The following SLC51A variants were observed in gnomAD, a reference collection of about 807,000 sequenced individuals.
The protein encoded by SLC51A is organic solute transporter subunit alpha.
SLC51A carries 22 observed loss-of-function variants against 34.8 expected under a neutral mutation model. The ratio of observed to expected loss-of-function variants is 0.63; its 90% confidence interval spans 0.45 to 0.90. The LOEUF (loss-of-function observed/expected upper bound fraction) is 0.90, where lower values mean the gene tolerates loss of function less well. Ranked by LOEUF, SLC51A falls within the 40% of genes least tolerant of loss-of-function variation. SLC51A has a pLI of 0.00. For synonymous variants in SLC51A, 181 were observed against 176.3 expected, an observed-to-expected ratio of 1.03 and a Z score of -0.21; for missense variants, 371 against 414.8, an observed-to-expected ratio of 0.89 and a Z score of 0.92.
At chr3:196,224,426 G>A (rs1368191735) in intron 2 of SLC51A, among the ~76,000 whole-genome samples, 5 of 150,558 alleles carry the variant, frequency 3.3e-5, no homozygotes, top group African/African-American at 1.2e-4. Context: ...TGGACCCGGT[G>A]GCTCACGCCT....
chr3:196,221,252 A>G (rs1401376195), intron 2 of SLC51A, among the ~76,000 whole-genome samples: 1 of 151,964 alleles, frequency 6.6e-6, no homozygotes, highest in Admixed American at 6.6e-5. Flanking sequence ...ACCCTGTCTC[A>G]ATTTAAAAAA....
chr3:196,216,727 G>T lies in SLC51A; in HGVS notation c.15G>T (p.Arg5Ser). 1 of 1,577,178 alleles carries T rather than the reference G, an allele frequency of 6.3e-7. No homozygotes were observed. Among genetic ancestry groups the T allele is most frequent in the African/African-American group, 1.3e-5 (1 of 74,154 alleles). ...AGAACGCGGCGATGGAGCCGGGCAG[G>T]ACCCAGATAAAGCTTGACCCCAGGT... MEPG[R>S]TQIKLDPRYT... The change falls in exon 1 of 9, where the codon AGG (arginine) becomes AGT (serine). Residue 5 changes from arginine to serine, a missense_variant. Coordinates refer to ENST00000296327, the MANE Select transcript of SLC51A (RefSeq NM_152672.6). This position sits in a 1 kb window ranked among gnomAD's most constrained non-coding sequence, Gnocchi z 4.5.
In SLC51A at chr3:196,228,978, A is replaced by C; in HGVS notation, c.633+58A>C. ...GACTCATTTAGTACCTTTGTGTTCT[A>C]AAAGGAATCACCAGAGCCAACACCC... On this transcript the variant is annotated intron_variant, in intron 6 of 8. Coordinates refer to ENST00000296327, the MANE Select transcript of SLC51A (RefSeq NM_152672.6). The surrounding 1 kb of genome is among the most constrained non-coding windows in gnomAD (Gnocchi z 4.9). The C allele has an allele frequency of 7.2e-7, 1 of 1,395,046 alleles. No homozygotes were observed. 86.4% of individuals were successfully genotyped at this position (1,395,046 alleles called of 1,614,324 possible). A position where few individuals can be genotyped will look rare whatever the true frequency, so the allele number is the denominator to read the frequency against.
chr3:196,224,155 A>C (rs73083248), intron 2 of SLC51A, among the ~76,000 whole-genome samples: 1 of 151,232 alleles, frequency 6.6e-6, no homozygotes, highest in Non-Finnish European at 1.5e-5. Context: ...CACTGTGCCT[A>C]GCCCTTTCTC....
chr3:196,228,656 A>T lies in SLC51A; in HGVS notation c.522-153A>T, dbSNP rs1250852480. On this transcript the variant is annotated intron_variant, in intron 5 of 8. Coordinates refer to ENST00000296327, the MANE Select transcript of SLC51A (RefSeq NM_152672.6). The surrounding 1 kb of genome is among the most constrained non-coding windows in gnomAD (Gnocchi z 4.9). ...CAAGAGGGTTCCCAGCACTCTCAAC[A>T]TTCTGCTTTTTTCCTCTGTCCCCAT... 5 of 663,324 alleles carry T rather than the reference A, an allele frequency of 7.5e-6. No homozygotes were observed. The highest frequency in any genetic ancestry group is 5.4e-5 in the African/African-American group (3 of 55,426). The allele number at this position is 663,324 out of a possible 1,614,324, so 41.1% of individuals were successfully genotyped here. A position where few individuals can be genotyped will look rare whatever the true frequency, so the allele number is the denominator to read the frequency against.
intron 2 of SLC51A, among the ~76,000 whole-genome samples, chr3:196,226,059 G>A (rs962598505): frequency 1.2e-4 from 18 of 152,192 alleles, no homozygotes; most frequent in Non-Finnish European, 2.2e-4. Flanking sequence ...GCTCACGTCT[G>A]TAATCCCAGC....
At chr3:196,227,230 C>A in intron 3 of SLC51A, 111 bp downstream of exon 3, 1 of 1,192,412 alleles carries the variant, frequency 8.4e-7, no homozygotes, top group Non-Finnish European at 1.2e-6. Flanking sequence ...CCTGCCACGA[C>A]CCGCGGAGGG....
intron 2 of SLC51A, among the ~76,000 whole-genome samples, chr3:196,221,755 C>A (rs538658875): frequency 2.8e-4 from 42 of 151,204 alleles, no homozygotes; most frequent in Non-Finnish European, 4.7e-4. Context: ...TCGCTCTGTC[C>A]CCCAGGCTGG....
At chr3:196,222,932 CTAAT>C in intron 2 of SLC51A, among the ~76,000 whole-genome samples, 1 of 151,778 alleles carries the variant, frequency 6.6e-6, no homozygotes, top group East Asian at 1.9e-4. Context: ...TTTTCCTTTC[CTAAT>C]TAGAGTACCA....
In SLC51A at chr3:196,216,617, G is replaced by A. The variant is rs1407315032; in HGVS notation, c.-96G>A. The A allele has an allele frequency of 1.6e-6, 2 of 1,273,418 alleles. No homozygotes were observed. The highest frequency in any genetic ancestry group is 2.5e-5 in the South Asian group (2 of 78,582). 78.9% of individuals were successfully genotyped at this position (1,273,418 alleles called of 1,614,324 possible). A position where few individuals can be genotyped will look rare whatever the true frequency, so the allele number is the denominator to read the frequency against. ...GCAATTCTGCTTGCCCCCCACCCCG[G>A]CCCAGGCAAGCCACCCTGCCCCCGG... On this transcript the variant is annotated 5_prime_UTR_variant, in exon 1 of 9. Coordinates refer to ENST00000296327, the MANE Select transcript of SLC51A (RefSeq NM_152672.6). This position sits in a 1 kb window ranked among gnomAD's most constrained non-coding sequence, Gnocchi z 4.5.
Position 196,233,103 on chromosome 3 carries a change from G to T in SLC51A, c.927G>T (p.Met309Ile). The change falls in exon 9 of 9, where the codon ATG (methionine) becomes ATT (isoleucine). Residue 309 changes from methionine to isoleucine, a missense_variant. By Grantham distance (10) the Met-to-Ile change is conservative. Transcript: ENST00000296327. Reference protein sequence around the residue: ...CHLLILETFLMTVLTRMYYRR... With the variant: ...CHLLILETFLITVLTRMYYRR... ...TCCTCATACTGGAGACTTTTCTAAT[G>T]ACTGTGCTGACACGAATGTACTACC... The T allele has an allele frequency of 6.2e-7, 1 of 1,614,142 alleles. No individual in the cohort carries two copies. The highest frequency in any genetic ancestry group is 1.1e-5 in the South Asian group (1 of 91,080).
chr3:196,223,309 GTT>G (rs764508089), intron 2 of SLC51A, among the ~76,000 whole-genome samples: 1 of 151,930 alleles, frequency 6.6e-6, no homozygotes, highest in Non-Finnish European at 1.5e-5. Context: ...TCCTCCGGGC[GTT>G]TGAGAACAGA....
chr3:196,229,342 T>C (rs2108756648), intron 6 of SLC51A, among the ~76,000 whole-genome samples: 1 of 150,586 alleles, frequency 6.6e-6, no homozygotes, highest in East Asian at 2.0e-4. Context: ...GCCAGGAGTT[T>C]GCGACCAGCT....
chr3:196,227,057 T>C lies in SLC51A; in HGVS notation c.226T>C (p.Tyr76His). ...CTTCCTGGAGGATGCCGTCTACCTGTACAAGAACACCCTTTGCCCCATCAA... is the reference window on the plus strand; with the variant it reads ...CTTCCTGGAGGATGCCGTCTACCTGCACAAGAACACCCTTTGCCCCATCAA... ...AIFLEDAVYL[Y>H]KNTLCPIKRR... The change falls in exon 3 of 9, where the codon TAC (tyrosine) becomes CAC (histidine). Residue 76 changes from tyrosine (Y) to histidine (H), a missense_variant. By Grantham distance (83) the Tyr-to-His change is moderately conservative (BLOSUM62 2). Coordinates refer to ENST00000296327, the MANE Select transcript of SLC51A (RefSeq NM_152672.6). 1.2e-6 allele frequency: 2 copies of C among 1,614,074 alleles called. No individual in the cohort carries two copies. The highest frequency in any genetic ancestry group is 1.7e-6 in the Non-Finnish European group (2 of 1,180,010).
At chr3:196,230,237 G>A (rs1724000694) in intron 7 of SLC51A, among the ~76,000 whole-genome samples, 176 bp downstream of exon 7, 1 of 152,188 alleles carries the variant, frequency 6.6e-6, no homozygotes. Context: ...TTCTGTGCTG[G>A]AATTGTTTCC....
Position 196,216,591 on chromosome 3 carries a change from T to TGCAATTCTG in SLC51A, c.-121_-113dup. 1.0e-6 allele frequency: 1 copy of TGCAATTCTG among 1,000,810 alleles called. No homozygotes were observed. Among genetic ancestry groups the TGCAATTCTG allele is most frequent in the Non-Finnish European group, 1.5e-6 (1 of 654,084 alleles). The allele number at this position is 1,000,810 out of a possible 1,614,324, so 62.0% of individuals were successfully genotyped here. ...GGGAGAGCGGCAGAGGGGAAGACTCTGCAATTCTGCTTGCCCCCCACCCCG... is the reference window on the plus strand; with the variant it reads ...GGGAGAGCGGCAGAGGGGAAGACTCTGCAATTCTGGCAATTCTGCTTGCCCCCCACCCCG... On this transcript the variant is annotated 5_prime_UTR_variant, in exon 1 of 9. Coordinates refer to ENST00000296327, the MANE Select transcript of SLC51A (RefSeq NM_152672.6). The surrounding 1 kb of genome is among the most constrained non-coding windows in gnomAD (Gnocchi z 4.5).
chr3:196,228,284 G>A lies in SLC51A; in HGVS notation c.521+11G>A. 4.4e-6 allele frequency: 7 copies of A among 1,605,484 alleles called. No homozygotes were observed. Among genetic ancestry groups the A allele is most frequent in the Non-Finnish European group, 5.9e-6 (7 of 1,177,480 alleles). The stretch of plus-strand genomic sequence containing the variant: ...GCTGCTGCTCACCAGGTGAGGCGGG[G>A]CCAAGGTGCCTTCCCCAGGAGCCGG... On this transcript the variant is annotated intron_variant, in intron 5 of 8. Coordinates refer to ENST00000296327, the MANE Select transcript of SLC51A (RefSeq NM_152672.6). The surrounding 1 kb of genome is among the most constrained non-coding windows in gnomAD (Gnocchi z 4.9).
rs760530534 is a variant in SLC51A, at chr3:196,217,902, C to T, written c.99C>T (p.Phe33=). 1.2e-6 allele frequency: 2 copies of T among 1,613,514 alleles called. No individual in the cohort carries two copies. The highest frequency in any genetic ancestry group is 8.5e-7 in the Non-Finnish European group (1 of 1,179,766). The change falls in exon 2 of 9, where the codon TTC becomes TTT. Residue 33 remains phenylalanine (F), a synonymous_variant. Transcript: ENST00000296327. ...KTNYGIPSAC[F]SQPPTAAQLL... is the part of the protein sequence containing the mutation. Reference sequence around the variant, plus strand: ...ATTACGGCATCCCCTCCGCCTGCTTCTCTCAGCCTCCCACAGCAGCCCAAC... The same window carrying T: ...ATTACGGCATCCCCTCCGCCTGCTTTTCTCAGCCTCCCACAGCAGCCCAAC...
intron 2 of SLC51A, among the ~76,000 whole-genome samples, chr3:196,221,997 C>G (rs989046140): frequency 6.6e-6 from 1 of 152,100 alleles, no homozygotes; most frequent in Non-Finnish European, 1.5e-5. Flanking sequence ...GGATGACAGG[C>G]GTGAGCCCCC....
Sources: allele counts gnomAD v4.1 joint callset (sites outside exome capture counted in the v4.1 genomes callset), GRCh38; gene constraint gnomAD v4.1.1; non-coding constraint Gnocchi (gnomAD v3.1); transcripts MANE v1.5; gene names NCBI Gene and HGNC (gene_info 2026-07-23, HGNC 2026-07-21).